The following VWA8 variants were observed in gnomAD, a reference collection of about 807,000 sequenced individuals.
VWA8 encodes the protein von Willebrand factor A domain-containing protein 8.
In VWA8, 221 loss-of-function variants were observed where a neutral mutation model predicts 241.5. That is an observed-to-expected ratio of 0.91 (90% CI 0.82 to 1.02). The LOEUF is 1.02. VWA8 is among the 50% of genes least tolerant of loss of function. The pLI, the probability that VWA8 is intolerant of heterozygous loss-of-function variation, is 0.00. For missense variants in VWA8, 2,322 were observed against 2,328.7 expected (o/e 1.00, Z 0.06); for synonymous variants, 852 against 827.1 (o/e 1.03, Z -0.52).
intron 14 of VWA8, among the ~76,000 whole-genome samples, chr13:41,820,915 C>T (rs940887068): frequency 6.6e-6 from 1 of 152,142 alleles, no homozygotes; most frequent in Non-Finnish European, 1.5e-5. Flanking sequence ...CTCTTCTCTC[C>T]TAGTTAGGAC....
chr13:41,819,101 G>T, intron 15 of VWA8, 117 bp downstream of exon 15: 3 of 1,005,590 alleles, frequency 3.0e-6, no homozygotes, highest in East Asian at 2.7e-5. Flanking sequence ...GAAGAAATTT[G>T]GGAGTAAATG....
chr13:41,807,005 G>A (rs1367589901), intron 17 of VWA8, among the ~76,000 whole-genome samples: 1 of 152,036 alleles, frequency 6.6e-6, no homozygotes, highest in South Asian at 2.1e-4. Flanking sequence ...TGAAAAAGGA[G>A]ACGTTAGAAC....
At chr13:41,826,701 C>CA (rs922292308) in intron 14 of VWA8, among the ~76,000 whole-genome samples, 11 of 149,200 alleles carry the variant, frequency 7.4e-5, no homozygotes, top group East Asian at 3.9e-4. Context: ...GAGACTGCTC[C>CA]AAAAAAAAAT....
intron 23 of VWA8, 73 bp from the exon 24 acceptor site, chr13:41,727,386 G>C: frequency 9.0e-7 from 1 of 1,113,726 alleles, no homozygotes; most frequent in Non-Finnish European, 1.2e-6. Flanking sequence ...CAATCTTTTA[G>C]ATAACATAAA....
intron 18 of VWA8, among the ~76,000 whole-genome samples, chr13:41,786,463 T>A (rs967018041): frequency 1.9e-4 from 29 of 152,292 alleles, no homozygotes; most frequent in African/African-American, 7.0e-4. Flanking sequence ...CTTAGGCTCC[T>A]TATCCCCTAC....
At chr13:41,905,148 T>C (rs1211672159) in intron 4 of VWA8, 1 of 152,038 alleles carries the variant, frequency 6.6e-6, no homozygotes, top group Non-Finnish European at 1.5e-5. Context: ...TATACTAAAA[T>C]TGGAATGATA....
chr13:41,639,917 C>T (rs1265814238), intron 37 of VWA8, among the ~76,000 whole-genome samples: 1 of 152,002 alleles, frequency 6.6e-6, no homozygotes, highest in African/African-American at 2.4e-5. Context: ...CACATGTACT[C>T]CTGGAACCTA....
Position 41,719,321 on chromosome 13 carries a change from A to G in VWA8, c.3116+270T>C, listed in dbSNP as rs906711779. ...ATAGTAATACGCATAGTAATTCAAC[A>G]AAAGGACTGAGACTGTTAAAGAAAC... On this transcript the variant is annotated intron_variant, in intron 26 of 44. Coordinates refer to ENST00000379310, the MANE Select transcript of VWA8 (RefSeq NM_015058.2). 17 of 1,253,268 alleles carry G rather than the reference A, an allele frequency of 1.4e-5. No individual in the cohort carries two copies. In the Admixed American group the frequency reaches 5.2e-4, roughly 39 times the overall value. 77.6% of individuals were successfully genotyped at this position (1,253,268 alleles called of 1,614,324 possible).
chr13:41,649,172 C>G (rs4942072), intron 37 of VWA8, among the ~76,000 whole-genome samples: 145,815 of 152,258 alleles, frequency 0.96, 70,157 homozygotes, highest in East Asian at 1. Flanking sequence ...TGATGGGGGA[C>G]ACTCTGTCTC....
intron 2 of VWA8, among the ~76,000 whole-genome samples, chr13:41,940,615 A>T (rs965754712): frequency 1.3e-5 from 2 of 152,204 alleles, no homozygotes; most frequent in African/African-American, 2.4e-5. Flanking sequence ...ATGCACAAAA[A>T]CATGTATTAT....
rs1053581274 is a variant in VWA8, at chr13:41,902,048, G to A, written c.483+5538C>T. Among the ~76,000 whole-genome samples the A allele has an allele frequency of 6.2e-4, 94 of 151,190 alleles. 1 individual carries two copies. The highest frequency in any genetic ancestry group is 2.2e-3 in the African/African-American group (92 of 41,284). ...CAGTAAACAGAGAGAGATCTTCCCC[G>A]ACTGTCCAAGTGCAAATTAGGATGT... On this transcript the variant is annotated intron_variant, in intron 4 of 44. Coordinates refer to ENST00000379310, the MANE Select transcript of VWA8 (RefSeq NM_015058.2).
At chr13:41,629,510 A>G (rs1171965318) in intron 37 of VWA8, among the ~76,000 whole-genome samples, 1 of 152,234 alleles carries the variant, frequency 6.6e-6, no homozygotes, top group Non-Finnish European at 1.5e-5. Context: ...ATGCCAAGAA[A>G]ACAACTGCCC....
At chr13:41,949,050 A>G (rs1356584827) in intron 2 of VWA8, among the ~76,000 whole-genome samples, 1 of 151,234 alleles carries the variant, frequency 6.6e-6, no homozygotes, top group Non-Finnish European at 1.5e-5. Flanking sequence ...AAAAAAAAAA[A>G]AAAAAAGAAC....
intron 2 of VWA8, among the ~76,000 whole-genome samples, chr13:41,924,103 AAC>A (rs1323990833): frequency 2.0e-5 from 3 of 152,172 alleles, no homozygotes; most frequent in African/African-American, 7.2e-5. Context: ...AACTCAAAAA[AAC>A]AGTCTTAAGG....
At chr13:41,757,806 A>C (rs1027325774) in intron 21 of VWA8, among the ~76,000 whole-genome samples, 3 of 151,682 alleles carry the variant, frequency 2.0e-5, no homozygotes, top group African/African-American at 7.2e-5. Flanking sequence ...AAACATGGAA[A>C]GTTGGGAGTG....
intron 20 of VWA8, among the ~76,000 whole-genome samples, chr13:41,767,160 T>C (rs552296093): frequency 1.3e-5 from 2 of 152,308 alleles, no homozygotes; most frequent in South Asian, 2.1e-4. Context: ...GTTCTTTCCA[T>C]AGGCCGCTAA....
intron 35 of VWA8, among the ~76,000 whole-genome samples, chr13:41,677,778 T>TCATCCATCCATCCATCCATC (rs200806052): frequency 2.1e-4 from 32 of 151,816 alleles, no homozygotes; most frequent in African/African-American, 7.0e-4. Context: ...ATTTATCTAT[T>TCATCCATCCATCCATCCATC]CATCCATCCA....
rs577830772 is a variant in VWA8 at position 41,572,812 on chromosome 13, A to AG, written c.5371-2107_5371-2106insC. On this transcript the variant is annotated intron_variant, in intron 43 of 44. Transcript: ENST00000379310. ...CAATAAATACTAAAAAAAAAAAAAA[A>AG]AAAAAAAAAGAAACAGGCCGGGCGC... 3.5e-4 allele frequency among the ~76,000 whole-genome samples: 52 copies of AG among 150,592 alleles called. 1 individual carries two copies. The South Asian group carries it at 0.01, about 30-fold the overall frequency.
chr13:41,688,375 T>G (rs547910646), intron 34 of VWA8, among the ~76,000 whole-genome samples: 9 of 152,258 alleles, frequency 5.9e-5, no homozygotes, highest in East Asian at 1.9e-4. Flanking sequence ...ATTATAAAAA[T>G]TAAATGTTTA....
Sources: gnomAD v4.1 joint callset for allele counts (sites outside exome capture counted in the v4.1 genomes callset) on GRCh38, gnomAD v4.1.1 for gene constraint, MANE v1.5 for transcripts, NCBI Gene and HGNC (gene_info 2026-07-23, HGNC 2026-07-21) for gene names.